The following FSTL5 variants were observed in gnomAD, a reference collection of about 807,000 sequenced individuals.
The protein encoded by FSTL5 is follistatin-related protein 5.
A neutral mutation model predicts 89.1 loss-of-function variants in FSTL5; 62 were observed. The ratio of observed to expected loss-of-function variants is 0.70; its 90% CI spans 0.57 to 0.86. The LOEUF is 0.86. FSTL5 is among the 40% of genes least tolerant of loss of function. The pLI, the probability that FSTL5 is intolerant of heterozygous loss-of-function variation, is 0.00. For synonymous variants in FSTL5, 383 were observed against 346.2 expected (o/e 1.11, Z -1.18); for missense variants, 1,057 against 1,001.6 (o/e 1.06, Z -0.75).
In FSTL5 at chr4:161,957,130, A is replaced by G. The variant is rs1457634055; in HGVS notation, c.161-36478T>C. On this transcript the variant is annotated intron_variant, in intron 3 of 15. Transcript: ENST00000306100. ...GCAAAGATATAAAGATCCTTGGGCT[A>G]TAAAATGACAGCATTTATTTAAAAC... Among the ~76,000 whole-genome samples, 10 of 152,174 alleles carry G rather than the reference A, an allele frequency of 6.6e-5. No individual in the cohort carries two copies. In the East Asian group the frequency reaches 1.9e-3, roughly 29 times the overall value.
intron 4 of FSTL5, among the ~76,000 whole-genome samples, chr4:161,820,700 G>A (rs1160803693): frequency 2.0e-5 from 3 of 152,060 alleles, no homozygotes; most frequent in Admixed American, 6.5e-5. Context: ...GATGAGCAGG[G>A]GAGACTTTAA....
At chr4:161,841,170 T>C (rs1731200651) in intron 4 of FSTL5, among the ~76,000 whole-genome samples, 1 of 152,158 alleles carries the variant, frequency 6.6e-6, no homozygotes. Flanking sequence ...CAGTTCCTTA[T>C]TTAAACTTTC....
intron 10 of FSTL5, among the ~76,000 whole-genome samples, chr4:161,518,419 C>T (rs1344776704): frequency 1.3e-5 from 2 of 152,034 alleles, no homozygotes; most frequent in Non-Finnish European, 2.9e-5. Context: ...TAACTTGTGA[C>T]TTAAGAAGGT....
chr4:161,593,200 C>A (rs962868262), intron 7 of FSTL5, among the ~76,000 whole-genome samples: 17 of 152,160 alleles, frequency 1.1e-4, no homozygotes, highest in Non-Finnish European at 2.2e-4. Context: ...CTTGTGTCAG[C>A]ATCTTTTGGT....
At position 161,386,307 on chromosome 4, in the gene FSTL5, A is replaced by C; in HGVS notation, c.1984T>G (p.Phe662Val). Residue 662 changes from phenylalanine to valine, a missense_variant, in exon 16 of 16, where the codon TTC becomes GTC. By Grantham distance (50) the Phe-to-Val change is conservative. This residue lies in a region of FSTL5 where 980 missense variants were observed against 903.2 expected (regional missense o/e 1.08). Transcript: ENST00000306100. The stretch of plus-strand genomic sequence containing the variant: ...GTGCTGTCAGGTTTGCAGCCAATGA[A>C]GTAGTAGCCTCCCAAGTGTGTATAT... ...LAYTHLGGYY[F>V]IGCKPDSTGA... 1.2e-6 allele frequency: 2 copies of C among 1,613,794 alleles called. No individual in the cohort carries two copies. The highest frequency in any genetic ancestry group is 1.7e-4 in the Middle Eastern group (1 of 6,060).
intron 4 of FSTL5, among the ~76,000 whole-genome samples, chr4:161,895,423 C>T (rs896515246): frequency 3.3e-5 from 5 of 152,044 alleles, no homozygotes; most frequent in Non-Finnish European, 7.4e-5. Context: ...AGACTTGCCT[C>T]GCTGTTAGTA....
chr4:161,427,147 CT>C (rs1181346440), intron 15 of FSTL5, among the ~76,000 whole-genome samples: 1 of 152,088 alleles, frequency 6.6e-6, no homozygotes, highest in Admixed American at 6.5e-5. Context: ...AATAAATTTC[CT>C]TAGAAAAGGC....
At chr4:162,054,400 A>G (rs1412158195) in intron 2 of FSTL5, among the ~76,000 whole-genome samples, 1 of 151,770 alleles carries the variant, frequency 6.6e-6, no homozygotes, top group East Asian at 1.9e-4. Context: ...CACAATCCAT[A>G]TTTCCATTAA....
At chr4:161,649,189 A>G (rs960267059) in intron 7 of FSTL5, among the ~76,000 whole-genome samples, 1 of 152,194 alleles carries the variant, frequency 6.6e-6, no homozygotes, top group Non-Finnish European at 1.5e-5. Context: ...AACCTATATA[A>G]TGAGAAAGAT....
chr4:161,944,480 G>A (rs1734682050), intron 3 of FSTL5, among the ~76,000 whole-genome samples: 1 of 151,842 alleles, frequency 6.6e-6, no homozygotes, highest in Non-Finnish European at 1.5e-5. Context: ...GTAACTGTTG[G>A]TTAATTAGAA....
chr4:161,733,059 A>T (rs1412053007), intron 6 of FSTL5, among the ~76,000 whole-genome samples: 1 of 151,746 alleles, frequency 6.6e-6, no homozygotes, highest in Non-Finnish European at 1.5e-5. Context: ...GTATCTATCC[A>T]TAGATTAACT....
At chr4:161,683,006 A>G (rs1000391457) in intron 6 of FSTL5, among the ~76,000 whole-genome samples, 3 of 152,058 alleles carry the variant, frequency 2.0e-5, no homozygotes, top group Non-Finnish European at 2.9e-5. Context: ...CGGCCTCCCA[A>G]TGTGCTGGGA....
At chr4:162,126,366 C>T (rs1732081204) in intron 1 of FSTL5, among the ~76,000 whole-genome samples, 1 of 152,064 alleles carries the variant, frequency 6.6e-6, no homozygotes, top group Non-Finnish European at 1.5e-5. Context: ...AGAACTTTCT[C>T]CCAACACTTT....
At chr4:162,141,932 GAA>G (rs1308940031) in intron 1 of FSTL5, among the ~76,000 whole-genome samples, 2 of 147,560 alleles carry the variant, frequency 1.4e-5, no homozygotes. Flanking sequence ...TACACAGGTA[GAA>G]AGAAGAGCTT....
At chr4:161,855,591 A>T (rs561357745) in intron 4 of FSTL5, among the ~76,000 whole-genome samples, 55 of 152,176 alleles carry the variant, frequency 3.6e-4, no homozygotes, top group African/African-American at 1.3e-3. Flanking sequence ...TGGTCCTAGG[A>T]CTATACTTAA....
intron 2 of FSTL5, among the ~76,000 whole-genome samples, chr4:162,095,559 A>C (rs1730718014): frequency 2.0e-5 from 3 of 152,006 alleles, no homozygotes; most frequent in African/African-American, 7.2e-5. Flanking sequence ...AATTCATGAA[A>C]TCTTGAGGAA....
chr4:161,628,542 A>C (rs1187506769), intron 7 of FSTL5, among the ~76,000 whole-genome samples: 1 of 152,164 alleles, frequency 6.6e-6, no homozygotes. Flanking sequence ...TTACTTTTTC[A>C]GATTAACCAA....
At chr4:161,859,343 C>T (rs1579147663) in intron 4 of FSTL5, among the ~76,000 whole-genome samples, 2 of 152,174 alleles carry the variant, frequency 1.3e-5, no homozygotes, top group Non-Finnish European at 2.9e-5. Flanking sequence ...ATACATTTCA[C>T]CACCAGGTTA....
chr4:161,767,343 A>G (rs183804325), intron 5 of FSTL5, among the ~76,000 whole-genome samples: 263 of 152,276 alleles, frequency 1.7e-3, no homozygotes, highest in African/African-American at 5.9e-3. Flanking sequence ...CTTATGGGAG[A>G]GACTAAGATG....
Sources: allele counts gnomAD v4.1 joint callset (sites outside exome capture counted in the v4.1 genomes callset), GRCh38; gene constraint gnomAD v4.1.1; regional missense constraint gnomAD v4.1.1; transcripts MANE v1.5; gene names NCBI Gene and HGNC (gene_info 2026-07-23, HGNC 2026-07-21).